Variants in TRAF6 observed in about 807,000 individuals in gnomAD.
TRAF6 encodes the protein TNF receptor-associated factor 6.
TRAF6 carries 10 observed loss-of-function variants against 48.4 expected under a neutral mutation model. That is an observed-to-expected ratio of 0.21 (90% CI 0.13 to 0.35). The LOEUF is 0.35. Among genes scored for constraint, TRAF6 ranks in the 10% least tolerant of loss-of-function variants. TRAF6 has a pLI of 1.00. For synonymous variants in TRAF6, 186 were observed against 219.6 expected (o/e 0.85, Z 1.35); for missense variants, 397 against 661.0 (o/e 0.60, Z 4.38).
chr11:36,500,161 T>C (rs1308097613), intron 2 of TRAF6, among the ~76,000 whole-genome samples: 1 of 152,128 alleles, frequency 6.6e-6, no homozygotes, highest in African/African-American at 2.4e-5. Flanking sequence ...ACATAAATTA[T>C]TTGGTGCTTT....
rs1859552666 is a variant in TRAF6, at chr11:36,490,744, C to T, written c.757-94G>A. The T allele has an allele frequency of 9.3e-7, 1 of 1,077,808 alleles. No individual in the cohort carries two copies. The highest frequency in any genetic ancestry group is 1.3e-6 in the Non-Finnish European group (1 of 752,358). The allele number at this position is 1,077,808 out of a possible 1,614,324, so 66.8% of individuals were successfully genotyped here. ...GTCAAATAAGAAGTTTTCAAGTAGT[C>T]ACACCACTTCCCTCAATTCTCTACA... On this transcript the variant is annotated intron_variant, in intron 6 of 6. Transcript: ENST00000526995. This position sits in a 1 kb window ranked among gnomAD's most constrained non-coding sequence, Gnocchi z 6.4.
At chr11:36,499,575 G>T (rs1180062179) in intron 2 of TRAF6, among the ~76,000 whole-genome samples, 1 of 152,080 alleles carries the variant, frequency 6.6e-6, no homozygotes, top group Non-Finnish European at 1.5e-5. Context: ...CTTCAGCCTG[G>T]GAGACAGAGC....
At chr11:36,505,522 ATGT>A (rs1027681393) in intron 1 of TRAF6, among the ~76,000 whole-genome samples, 10 of 152,244 alleles carry the variant, frequency 6.6e-5, no homozygotes, top group Non-Finnish European at 1.0e-4. Context: ...GATTAAGGAA[ATGT>A]TGTGGCTAGT....
At chr11:36,505,058 T>C (rs528129344) in intron 1 of TRAF6, among the ~76,000 whole-genome samples, 1 of 152,292 alleles carries the variant, frequency 6.6e-6, no homozygotes, top group Admixed American at 6.5e-5. Flanking sequence ...GCAGAGTAGA[T>C]TTAGTATAAT....
rs554579560 is a variant in TRAF6, at chr11:36,488,623, A to G, written c.*1215T>C. 1.3e-5 allele frequency: 2 copies of G among 152,268 alleles called. No homozygotes were observed. The highest frequency in any genetic ancestry group is 4.2e-4 in the South Asian group (2 of 4,818). The allele number at this position is 152,268 out of a possible 1,614,324, so 9.4% of individuals were successfully genotyped here. On this transcript the variant is annotated 3_prime_UTR_variant, in exon 7 of 7. Transcript: ENST00000526995. Reference sequence around the variant, plus strand: ...GCCTTTAACAAATACATGATGGCACACAAAAAAATCATCTCCCTATTAGGA... The same window carrying G: ...GCCTTTAACAAATACATGATGGCACGCAAAAAAATCATCTCCCTATTAGGA...
chr11:36,490,870 C>T lies in TRAF6; in HGVS notation c.757-220G>A, dbSNP rs942447809. ...CTGATGACTACTCTCCCAGCTTTCACTCACATAAATCTCCCTCCCACCTAC... is the reference window on the plus strand; with the variant it reads ...CTGATGACTACTCTCCCAGCTTTCATTCACATAAATCTCCCTCCCACCTAC... On this transcript the variant is annotated intron_variant, in intron 6 of 6. Transcript: ENST00000526995. This position sits in a 1 kb window ranked among gnomAD's most constrained non-coding sequence, Gnocchi z 6.4. 6.6e-6 allele frequency among the ~76,000 whole-genome samples: 1 copy of T among 152,172 alleles called. No homozygotes were observed. The highest frequency in any genetic ancestry group is 2.4e-5 in the African/African-American group (1 of 41,440).
At position 36,498,564 on chromosome 11, in the gene TRAF6, G is replaced by A. The variant is rs945331121; in HGVS notation, c.373C>T (p.Arg125Cys). Residue 125 changes from arginine (R) to cysteine (C), a missense_variant, in exon 3 of 7, where the codon CGT (arginine) becomes TGT (cysteine). By Grantham distance (180) the Arg-to-Cys change is radical. Coordinates refer to ENST00000526995, the MANE Select transcript of TRAF6 (RefSeq NM_004620.4). The part of the protein sequence containing the change: ...NQLFPDNFAK[R>C]EILSLMVKCP... Reference sequence around the variant, plus strand: ...TTCACCATCAGAGAAAGAATCTCACGTTTTGCAAAATTGTCTGGAAATAGT... The same window carrying A: ...TTCACCATCAGAGAAAGAATCTCACATTTTGCAAAATTGTCTGGAAATAGT... 1.2e-6 allele frequency: 2 copies of A among 1,613,192 alleles called. No homozygotes were observed. The highest frequency in any genetic ancestry group is 1.7e-6 in the Non-Finnish European group (2 of 1,179,808).
At chr11:36,493,235 T>C (rs1859587255) in intron 5 of TRAF6, among the ~76,000 whole-genome samples, 3 of 152,218 alleles carry the variant, frequency 2.0e-5, no homozygotes, top group Admixed American at 6.5e-5. Flanking sequence ...TAAGGTAAGA[T>C]CCTTTATACT....
At chr11:36,502,863 CT>C (rs917341149) in intron 1 of TRAF6, among the ~76,000 whole-genome samples, 2 of 152,160 alleles carry the variant, frequency 1.3e-5, no homozygotes, top group Admixed American at 1.3e-4. Flanking sequence ...ATAAAATCCA[CT>C]TGAGTTACTG....
intron 1 of TRAF6, among the ~76,000 whole-genome samples, chr11:36,506,269 G>A (rs543910656): frequency 6.6e-6 from 1 of 152,224 alleles, no homozygotes; most frequent in South Asian, 2.1e-4. Context: ...GGATCAGAGG[G>A]TATGTAACTT....
intron 6 of TRAF6, among the ~76,000 whole-genome samples, chr11:36,491,574 GAC>G (rs1239368370): frequency 1.3e-5 from 2 of 152,142 alleles, no homozygotes; most frequent in Non-Finnish European, 2.9e-5. Flanking sequence ...CAAAAAGAAA[GAC>G]ATATCATAAA....
At chr11:36,494,528 T>A (rs1268114422) in intron 5 of TRAF6, among the ~76,000 whole-genome samples, 1 of 152,160 alleles carries the variant, frequency 6.6e-6, no homozygotes, top group Non-Finnish European at 1.5e-5. Context: ...GCTACAAATA[T>A]TATTCTCCTA....
At chr11:36,508,205 A>G (rs1859833889) in intron 1 of TRAF6, among the ~76,000 whole-genome samples, 1 of 152,066 alleles carries the variant, frequency 6.6e-6, no homozygotes, top group African/African-American at 2.4e-5. Context: ...ACAGGAATTA[A>G]TGAAGGGATG....
Position 36,489,467 on chromosome 11 carries a change from T to C in TRAF6, c.*371A>G. ...TATAATACTACAAAAAGACTGAAGT[T>C]TTAAGGAAAATCCATTATTATTAAA... is the stretch of plus-strand genomic sequence containing the variant. On this transcript the variant is annotated 3_prime_UTR_variant, in exon 7 of 7. Coordinates refer to ENST00000526995, the MANE Select transcript of TRAF6 (RefSeq NM_004620.4). 1 of 200,430 alleles carries C rather than the reference T, an allele frequency of 5.0e-6. No homozygotes were observed. 12.4% of individuals were successfully genotyped at this position (200,430 alleles called of 1,614,324 possible).
In TRAF6 at chr11:36,489,306, T is replaced by C. The variant is rs1859529653; in HGVS notation, c.*532A>G. 1 of 153,558 alleles carries C rather than the reference T, an allele frequency of 6.5e-6. No individual in the cohort carries two copies. Among genetic ancestry groups the C allele is most frequent in the Non-Finnish European group, 1.5e-5 (1 of 68,714 alleles). 9.5% of individuals were successfully genotyped at this position (153,558 alleles called of 1,614,324 possible). ...AACTGGGGTGAATGAGAACTTAAGTTTTCCAAGGATTATGGTTCAAATCCT... is the reference window on the plus strand; with the variant it reads ...AACTGGGGTGAATGAGAACTTAAGTCTTCCAAGGATTATGGTTCAAATCCT... On this transcript the variant is annotated 3_prime_UTR_variant, in exon 7 of 7. Coordinates refer to ENST00000526995, the MANE Select transcript of TRAF6 (RefSeq NM_004620.4).
chr11:36,498,043 C>T (rs971048102), intron 3 of TRAF6, among the ~76,000 whole-genome samples: 2 of 152,064 alleles, frequency 1.3e-5, no homozygotes, highest in South Asian at 2.1e-4. Context: ...CGCCACCATG[C>T]CTGGCTAATT....
chr11:36,501,608 T>G, intron 1 of TRAF6, 71 bp from the exon 2 acceptor site: 1 of 1,123,712 alleles, frequency 8.9e-7, no homozygotes, highest in Non-Finnish European at 1.2e-6. Context: ...ATATATATCA[T>G]AGCTTATCTA....
At chr11:36,509,316 T>C (rs181832980) in intron 1 of TRAF6, among the ~76,000 whole-genome samples, 1 of 152,218 alleles carries the variant, frequency 6.6e-6, no homozygotes, top group Admixed American at 6.5e-5. Context: ...TCAGCTGGAG[T>C]TCCCCTTAAG....
At position 36,484,859 on chromosome 11, in the gene TRAF6, A is replaced by G. The variant is rs141413185; in HGVS notation, c.*4979T>C. Among the ~76,000 whole-genome samples the G allele has an allele frequency of 2.5e-3, 383 of 152,346 alleles. 4 individuals are homozygous for G. Among genetic ancestry groups the G allele is most frequent in the African/African-American group, 8.4e-3 (351 of 41,586 alleles). On this transcript the variant is annotated 3_prime_UTR_variant, in exon 7 of 7. Transcript: ENST00000526995. ...ACAATTTATCAAGGACCTTCAAATA[A>G]ATCCATTACAAAAAATACCCCTTCA... is the stretch of plus-strand genomic sequence containing the variant.
Sources: gnomAD v4.1 joint callset for allele counts (sites outside exome capture counted in the v4.1 genomes callset) on GRCh38, gnomAD v4.1.1 for gene constraint, Gnocchi (gnomAD v3.1) non-coding constraint, MANE v1.5 for transcripts, NCBI Gene and HGNC (gene_info 2026-07-23, HGNC 2026-07-21) for gene names.